Variants in CAND2 observed in about 807,000 individuals in gnomAD.
The protein encoded by CAND2 is cullin associated and neddylation dissociated 2 (putative).
Under a neutral mutation model 98.9 loss-of-function variants are expected in CAND2, and 62 were observed. That is an observed-to-expected ratio of 0.63 (90% CI 0.51 to 0.77). CAND2 has a LOEUF of 0.77. CAND2 is among the 30% of genes least tolerant of loss of function. The pLI is 0.00. For missense variants in CAND2, 1,501 were observed against 1,655.2 expected (o/e 0.91, Z 1.62); for synonymous variants, 770 against 731.9 (o/e 1.05, Z -0.84).
In CAND2 at chr3:12,815,326, A is replaced by G. The variant is rs1055702063; in HGVS notation, c.1192A>G (p.Thr398Ala). The G allele has an allele frequency of 6.2e-7, 1 of 1,613,998 alleles. No individual in the cohort carries two copies. The highest frequency in any genetic ancestry group is 1.3e-5 in the African/African-American group (1 of 75,064). Residue 398 changes from threonine (T) to alanine (A), a missense_variant, in exon 8 of 15, where the codon ACT becomes GCT. Coordinates refer to ENST00000456430, the MANE Select transcript of CAND2 (RefSeq NM_001162499.2). This position sits in a 1 kb window ranked among gnomAD's most constrained non-coding sequence, Gnocchi z 5.7. The stretch of plus-strand genomic sequence containing the variant: ...GGAGAACGTCAAGGCTGACGTCTTC[A>G]CTGCTTACATCGTGCTGCTGCGGCA... ...REENVKADVF[T>A]AYIVLLRQTQ...
At chr3:12,811,758 G>C (rs2061853394) in intron 5 of CAND2, among the ~76,000 whole-genome samples, 1 of 152,132 alleles carries the variant, frequency 6.6e-6, no homozygotes, top group Non-Finnish European at 1.5e-5. Flanking sequence ...TTTTAGTAGA[G>C]ACGGGGTTTA....
rs146964143 is a variant in CAND2 at position 12,821,013 on chromosome 3, C to A, written c.3040+832C>A. ...CTTTGGGAGGCCAAGGCAGGTGGAT[C>A]ACCTGAGGTCAGGAGTTCAAGACCA... On this transcript the variant is annotated intron_variant, in intron 11 of 14. Transcript: ENST00000456430. Among the ~76,000 whole-genome samples, 1,459 of 152,294 alleles carry A rather than the reference C, an allele frequency of 9.6e-3. 29 individuals are homozygous for A. The highest frequency in any genetic ancestry group is 0.033 in the African/African-American group (1,387 of 41,534).
In CAND2 at chr3:12,825,593, CCCT is replaced by C; in HGVS notation, c.3169_3171del (p.Leu1057del). The C allele has an allele frequency of 1.9e-6, 3 of 1,609,728 alleles. No individual in the cohort carries two copies. The highest frequency in any genetic ancestry group is 2.5e-6 in the Non-Finnish European group (3 of 1,178,280). Reference sequence around the variant, plus strand: ...CGGGACCTGCTGGATGACATCCTGCCCCTCCTCTACCAGGAGACAAAGATCCGG... The same window carrying C: ...CGGGACCTGCTGGATGACATCCTGCCCCTCTACCAGGAGACAAAGATCCGG... On this transcript the variant is annotated inframe_deletion, in exon 12 of 15. Coordinates refer to ENST00000456430, the MANE Select transcript of CAND2 (RefSeq NM_001162499.2).
intron 3 of CAND2, 140 bp from the exon 4 acceptor site, chr3:12,808,070 A>C: frequency 8.7e-7 from 1 of 1,146,984 alleles, no homozygotes; most frequent in South Asian, 1.5e-5. Context: ...CTCTGGGTCA[A>C]ACCTGGGACC....
At position 12,807,291 on chromosome 3, in the gene CAND2, C is replaced by T; in HGVS notation, c.213-15C>T. ...ACCTTGTGCCCTTGGATTCACCTTC[C>T]CACTCCCTGCTCAGCCTGGGTCCTC... On this transcript the variant is annotated splice_polypyrimidine_tract_variant and intron_variant, in intron 2 of 14. Transcript: ENST00000456430. 6.5e-7 allele frequency: 1 copy of T among 1,549,440 alleles called. No homozygotes were observed. Among genetic ancestry groups the T allele is most frequent in the Non-Finnish European group, 8.7e-7 (1 of 1,145,382 alleles).
chr3:12,827,110 C>T (rs577394251), intron 12 of CAND2, among the ~76,000 whole-genome samples: 25 of 152,308 alleles, frequency 1.6e-4, no homozygotes, highest in Non-Finnish European at 3.5e-4. Flanking sequence ...GGATTATAGG[C>T]GTGAACCACT....
In CAND2 at chr3:12,816,460, G is replaced by A. The variant is rs201773087; in HGVS notation, c.1528G>A (p.Glu510Lys). The change falls in exon 10 of 15, where the codon GAA becomes AAA. Residue 510 changes from glutamate to lysine, a missense_variant. Glu to Lys is a moderately conservative substitution (Grantham distance 56). Around this residue, in one of 3 missense-constraint regions of CAND2, gnomAD observed 1,427 missense variants for 1,545.3 expected, o/e 0.92. Coordinates refer to ENST00000456430, the MANE Select transcript of CAND2 (RefSeq NM_001162499.2). ...LAFLQGLLGT[E>K]PAEAFHPHLP... Reference sequence around the variant, plus strand: ...CTTCTTGCAGGGGCTGCTGGGCACCGAACCAGCTGAGGCCTTCCACCCACA... The same window carrying A: ...CTTCTTGCAGGGGCTGCTGGGCACCAAACCAGCTGAGGCCTTCCACCCACA... The A allele has an allele frequency of 3.7e-5, 60 of 1,613,920 alleles. No individual in the cohort carries two copies. Among genetic ancestry groups the A allele is most frequent in the Admixed American group, 1.0e-4 (6 of 60,030 alleles).
intron 3 of CAND2, 93 bp from the exon 4 acceptor site, chr3:12,808,117 C>T (rs1242362918): frequency 3.4e-6 from 5 of 1,478,096 alleles, no homozygotes; most frequent in South Asian, 1.3e-5. Flanking sequence ...GATGTGGGCT[C>T]AGGAACACAG....
At chr3:12,814,878 A>G (rs1348580007) in intron 7 of CAND2, among the ~76,000 whole-genome samples, 1 of 152,152 alleles carries the variant, frequency 6.6e-6, no homozygotes, top group Non-Finnish European at 1.5e-5. Flanking sequence ...TCTCATCTCT[A>G]TAATGGGGAA....
chr3:12,824,263 C>T (rs774487104), intron 11 of CAND2, among the ~76,000 whole-genome samples: 18 of 152,282 alleles, frequency 1.2e-4, no homozygotes, highest in Non-Finnish European at 2.4e-4. Flanking sequence ...AGTTTAAACT[C>T]TATATCATAG....
Position 12,822,573 on chromosome 3 carries a change from C to T in CAND2, c.3040+2392C>T, listed in dbSNP as rs538220293. On this transcript the variant is annotated intron_variant, in intron 11 of 14. Coordinates refer to ENST00000456430, the MANE Select transcript of CAND2 (RefSeq NM_001162499.2). The stretch of plus-strand genomic sequence containing the variant: ...CTTAGCCTCCCAAAGTGCTGGGATT[C>T]CAGACGTGAGCCCCCGTGCCCAGCC... 7.4e-4 allele frequency among the ~76,000 whole-genome samples: 112 copies of T among 152,180 alleles called. 2 individuals are homozygous for T. In the South Asian group the frequency reaches 0.023, roughly 31 times the overall value.
At chr3:12,802,720 G>T (rs1018679282) in intron 1 of CAND2, among the ~76,000 whole-genome samples, 1 of 152,142 alleles carries the variant, frequency 6.6e-6, no homozygotes, top group East Asian at 1.9e-4. Flanking sequence ...ACTTAACGAC[G>T]GGGAAACATT....
rs1171038086 is a variant in CAND2, at chr3:12,796,769, T to G, written c.49T>G (p.Ser17Ala). Residue 17 changes from serine to alanine, a missense_variant, in exon 1 of 15, where the codon TCC becomes GCC. Physicochemically the swap from Ser to Ala is moderately conservative, Grantham distance 99. Coordinates refer to ENST00000456430, the MANE Select transcript of CAND2 (RefSeq NM_001162499.2). ...CTCCAGCCTCCTGGAGAAGATGACG[T>G]CCAGCGACAAGGACTTCAGGTGCAG... ...HISSLLEKMT[S>A]SDKDFRFMAT... 2 of 1,589,456 alleles carry G rather than the reference T, an allele frequency of 1.3e-6. No homozygotes were observed. Among genetic ancestry groups the G allele is most frequent in the East Asian group, 4.6e-5 (2 of 43,832 alleles).
At position 12,817,590 on chromosome 3, in the gene CAND2, C is replaced by T; in HGVS notation, c.2658C>T (p.Gly886=). Residue 886 remains glycine (G), a synonymous_variant, in exon 10 of 15, where the codon GGC becomes GGT. Transcript: ENST00000456430. ...DVRAAASYAL[G]RVGAGSLPDF... is the part of the protein sequence containing the mutation. ...GGGCTGCAGCCTCGTATGCACTGGG[C>T]CGTGTGGGTGCTGGCAGCCTGCCCG... The T allele has an allele frequency of 1.9e-6, 3 of 1,613,858 alleles. No homozygotes were observed. The highest frequency in any genetic ancestry group is 2.5e-6 in the Non-Finnish European group (3 of 1,180,006).
Position 12,813,258 on chromosome 3 carries a change from A to G in CAND2, c.876A>G (p.Glu292=). Residue 292 remains glutamate, a synonymous_variant, in exon 7 of 15, where the codon GAA becomes GAG. Coordinates refer to ENST00000456430, the MANE Select transcript of CAND2 (RefSeq NM_001162499.2). ...FEAFLRKCPK[E]MGPHVPNVTS... is the part of the protein sequence containing the mutation. ...TCCTGCCCCACAGGTGCCCCAAGGA[A>G]ATGGGTCCTCACGTGCCCAACGTGA... 6.2e-7 allele frequency: 1 copy of G among 1,613,538 alleles called. No homozygotes were observed. Among genetic ancestry groups the G allele is most frequent in the Non-Finnish European group, 8.5e-7 (1 of 1,179,936 alleles).
At chr3:12,831,166 C>T (rs182403891) in intron 13 of CAND2, among the ~76,000 whole-genome samples, 35 of 152,274 alleles carry the variant, frequency 2.3e-4, no homozygotes, top group African/African-American at 8.4e-4. Context: ...CCAGAGCTGC[C>T]CCAGCAGCCC....
At chr3:12,807,581 C>A in intron 3 of CAND2, 121 bp downstream of exon 3, 1 of 991,316 alleles carries the variant, frequency 1.0e-6, no homozygotes, top group Non-Finnish European at 1.5e-6. Flanking sequence ...TACCTGAGGT[C>A]ACTCAGCTAG....
At chr3:12,817,940 C>G in intron 10 of CAND2, 64 bp downstream of exon 10, 1 of 1,414,920 alleles carries the variant, frequency 7.1e-7, no homozygotes. Flanking sequence ...ACTGAGCATC[C>G]AGGCAGCTGG....
At position 12,827,466 on chromosome 3, in the gene CAND2, A is replaced by G. The variant is rs1431010425; in HGVS notation, c.3237A>G (p.Thr1079=). The change falls in exon 13 of 15, where the codon ACA becomes ACG. Residue 1079 remains threonine, a synonymous_variant. Coordinates refer to ENST00000456430, the MANE Select transcript of CAND2 (RefSeq NM_001162499.2). ...TGGAGATGGGGCCCTTTAAACATAC[A>G]GTGGACGATGGGCTGGACGTGCGGA... ...REVEMGPFKH[T]VDDGLDVRKA... 6.2e-7 allele frequency: 1 copy of G among 1,613,976 alleles called. No homozygotes were observed. The highest frequency in any genetic ancestry group is 1.7e-5 in the Admixed American group (1 of 60,022).
Sources: allele counts gnomAD v4.1 joint callset (sites outside exome capture counted in the v4.1 genomes callset), GRCh38; gene constraint gnomAD v4.1.1; regional missense constraint gnomAD v4.1.1; non-coding constraint Gnocchi (gnomAD v3.1); transcripts MANE v1.5; gene names NCBI Gene and HGNC (gene_info 2026-07-23, HGNC 2026-07-21).